GLI3: variants seen among roughly 807,000 people sequenced by gnomAD.
The protein encoded by GLI3 is transcription activator GLI3.
A neutral mutation model predicts 100.8 loss-of-function variants in GLI3; 20 were observed. That is an observed-to-expected ratio of 0.20 (90% CI 0.14 to 0.29). The LOEUF (loss-of-function observed/expected upper bound fraction) is 0.29. GLI3 is among the 10% of genes least tolerant of loss of function. The pLI is 1.00. For missense variants in GLI3, 2,040 were observed against 2,128.5 expected (o/e 0.96, Z 0.82); for synonymous variants, 938 against 860.5 (o/e 1.09, Z -1.58).
At chr7:42,090,021 C>T (rs527502550) in intron 3 of GLI3, among the ~76,000 whole-genome samples, 11 of 152,260 alleles carry the variant, frequency 7.2e-5, no homozygotes, top group South Asian at 2.1e-4. Flanking sequence ...TATAACGGTA[C>T]GGTAGCATGT....
At chr7:41,988,233 G>A (rs776754442) in intron 10 of GLI3, among the ~76,000 whole-genome samples, 5 of 152,218 alleles carry the variant, frequency 3.3e-5, no homozygotes, top group Non-Finnish European at 5.9e-5. Flanking sequence ...AGGCCAAGGC[G>A]GGTGGATCAC....
chr7:42,089,153 C>T (rs17707985), intron 3 of GLI3, among the ~76,000 whole-genome samples: 4,326 of 152,260 alleles, frequency 0.028, 81 homozygotes, highest in African/African-American at 0.045. Flanking sequence ...ATACCTTGTA[C>T]GCCTAGGTCC....
At position 41,967,673 on chromosome 7, in the gene GLI3, T is replaced by C. The variant is rs1276672793; in HGVS notation, c.2354A>G (p.Gln785Arg). Residue 785 changes from glutamine (Q) to arginine (R), a missense_variant, in exon 14 of 15, where the codon CAA (glutamine) becomes CGA (arginine). Coordinates refer to ENST00000395925, the MANE Select transcript of GLI3 (RefSeq NM_000168.6). ...MEHVKLERLK[Q>R]VNGMFPRLNP... ...CAGTCGCGGAAACATTCCATTCACT[T>C]GTTTTAGCCTTTCTAGTTTTACGTG... 6.2e-7 allele frequency: 1 copy of C among 1,613,998 alleles called. No homozygotes were observed. Among genetic ancestry groups the C allele is most frequent in the Non-Finnish European group, 8.5e-7 (1 of 1,179,996 alleles).
intron 10 of GLI3, among the ~76,000 whole-genome samples, chr7:41,986,112 A>G (rs1787815987): frequency 6.6e-6 from 1 of 152,216 alleles, no homozygotes; most frequent in Non-Finnish European, 1.5e-5. Context: ...TTGGGTACAA[A>G]CCAGCATTCT....
intron 3 of GLI3, among the ~76,000 whole-genome samples, chr7:42,147,037 A>G (rs1032898176): frequency 6.6e-6 from 1 of 152,106 alleles, no homozygotes; most frequent in African/African-American, 2.4e-5. Flanking sequence ...GCTTCTGACC[A>G]CTTTTTAAAA....
chr7:42,226,326 T>A (rs1243450741), intron 1 of GLI3, among the ~76,000 whole-genome samples: 1 of 152,222 alleles, frequency 6.6e-6, no homozygotes, highest in Non-Finnish European at 1.5e-5. Context: ...TGCTAATTAA[T>A]AGGAATCAGG....
chr7:42,226,453 A>G (rs1221703041), intron 1 of GLI3, among the ~76,000 whole-genome samples: 1 of 152,196 alleles, frequency 6.6e-6, no homozygotes, highest in Non-Finnish European at 1.5e-5. Flanking sequence ...GCTCATCACC[A>G]TAGAGAGAGG....
chr7:42,233,878 A>G (rs1343839988), intron 1 of GLI3, among the ~76,000 whole-genome samples: 1 of 152,120 alleles, frequency 6.6e-6, no homozygotes, highest in Non-Finnish European at 1.5e-5. Context: ...TGTTTAACAA[A>G]CGTGTGTGTA....
chr7:42,196,597 A>G (rs1787932272), intron 2 of GLI3, among the ~76,000 whole-genome samples: 1 of 152,234 alleles, frequency 6.6e-6, no homozygotes, highest in Admixed American at 6.5e-5. Context: ...CACCTTTGTT[A>G]CTTAAAGTTC....
In GLI3 at chr7:41,962,356, GACA is replaced by G. The variant is rs1334059264; in HGVS notation, c.*1971_*1973del. On this transcript the variant is annotated 3_prime_UTR_variant, in exon 15 of 15. Coordinates refer to ENST00000395925, the MANE Select transcript of GLI3 (RefSeq NM_000168.6). The stretch of plus-strand genomic sequence containing the variant: ...AGTGAGACTGGATCTCTGATTCTGT[GACA>G]ACATTATGCCTTGTTTCAGAAACAC... 4.6e-5 allele frequency: 7 copies of G among 152,342 alleles called. No homozygotes were observed. In the South Asian group the frequency reaches 1.5e-3, roughly 32 times the overall value. 9.4% of individuals were successfully genotyped at this position (152,342 alleles called of 1,614,324 possible).
At chr7:42,077,668 A>C (rs1208371649) in intron 3 of GLI3, among the ~76,000 whole-genome samples, 1 of 151,798 alleles carries the variant, frequency 6.6e-6, no homozygotes, top group Admixed American at 6.6e-5. Context: ...CCTTAAAAAT[A>C]GCTCTCCCAC....
intron 3 of GLI3, among the ~76,000 whole-genome samples, chr7:42,108,229 T>TAGTA (rs1785622389): frequency 6.6e-6 from 1 of 152,226 alleles, no homozygotes; most frequent in African/African-American, 2.4e-5. Context: ...TTTGCACCGT[T>TAGTA]AGTAGCAATA....
At chr7:42,123,948 G>A (rs944338658) in intron 3 of GLI3, among the ~76,000 whole-genome samples, 13 of 152,072 alleles carry the variant, frequency 8.5e-5, no homozygotes, top group African/African-American at 2.7e-4. Context: ...ACCAAGATTC[G>A]CAAGGTTGGT....
At chr7:42,052,150 A>T (rs1217476140) in intron 4 of GLI3, among the ~76,000 whole-genome samples, 1 of 152,040 alleles carries the variant, frequency 6.6e-6, no homozygotes, top group Non-Finnish European at 1.5e-5. Flanking sequence ...TTCAAAGTTC[A>T]TTTCCTTTTA....
chr7:42,235,716 T>C (rs1788777421), intron 1 of GLI3, among the ~76,000 whole-genome samples: 1 of 152,194 alleles, frequency 6.6e-6, no homozygotes, highest in Non-Finnish European at 1.5e-5. Flanking sequence ...GGCACTGCCA[T>C]GTATTTGCAC....
chr7:42,023,752 A>G (rs1411746731), intron 9 of GLI3, 144 bp from the exon 10 acceptor site: 1 of 682,746 alleles, frequency 1.5e-6, no homozygotes. Context: ...CAATAAAATC[A>G]TATCTGTGCA....
chr7:42,043,150 C>T (rs1479979390), intron 6 of GLI3, among the ~76,000 whole-genome samples: 2 of 152,104 alleles, frequency 1.3e-5, no homozygotes, highest in Non-Finnish European at 2.9e-5. Context: ...AGATGGACAA[C>T]CACTATAAAA....
At chr7:42,229,554 G>C (rs983292183) in intron 1 of GLI3, among the ~76,000 whole-genome samples, 1 of 152,160 alleles carries the variant, frequency 6.6e-6, no homozygotes, top group Non-Finnish European at 1.5e-5. Flanking sequence ...TAAATATCCA[G>C]AAGAAAGCAG....
At chr7:42,069,257 A>G (rs1411816373) in intron 4 of GLI3, among the ~76,000 whole-genome samples, 1 of 152,254 alleles carries the variant, frequency 6.6e-6, no homozygotes, top group Non-Finnish European at 1.5e-5. Flanking sequence ...TATTTCAGTC[A>G]TTAGAAATAC....
Sources: gnomAD v4.1 joint callset for allele counts (sites outside exome capture counted in the v4.1 genomes callset) on GRCh38, gnomAD v4.1.1 for gene constraint, MANE v1.5 for transcripts, NCBI Gene and HGNC (gene_info 2026-07-23, HGNC 2026-07-21) for gene names.